OXR1: variants seen among roughly 807,000 people sequenced by gnomAD.
OXR1 encodes the protein oxidation resistance protein 1.
A neutral mutation model predicts 104.6 loss-of-function variants in OXR1; 41 were observed. The ratio of observed to expected loss-of-function variants is 0.39; its 90% CI spans 0.31 to 0.51. The LOEUF (loss-of-function observed/expected upper bound fraction) is 0.51. Ranked by LOEUF, OXR1 falls within the 20% of genes least tolerant of loss-of-function variation. The probability of loss-of-function intolerance (pLI) is 0.77; values close to 1 mark genes in which losing one functional copy is unlikely to be tolerated. For missense variants in OXR1, 955 were observed against 1,031.9 expected (o/e 0.93, Z 1.02); for synonymous variants, 348 against 348.4 (o/e 1.00, Z 0.01).
At chr8:106,726,009 T>C in intron 11 of OXR1, 2 of 491,370 alleles carry the variant, frequency 4.1e-6, no homozygotes, top group South Asian at 7.7e-5. Context: ...AACTTAAGCA[T>C]GGGAAATTCT....
At chr8:106,592,284 AAATC>A (rs1327387811) in intron 3 of OXR1, among the ~76,000 whole-genome samples, 1 of 152,206 alleles carries the variant, frequency 6.6e-6, no homozygotes, top group Non-Finnish European at 1.5e-5. Flanking sequence ...AAATAAGAAA[AAATC>A]AATAAATAAT....
At chr8:106,591,040 G>A (rs1175972070) in intron 3 of OXR1, among the ~76,000 whole-genome samples, 6 of 151,758 alleles carry the variant, frequency 4.0e-5, no homozygotes, top group East Asian at 1.9e-4. Flanking sequence ...GTATCATTGC[G>A]TTTCTAAAGA....
At chr8:106,384,308 C>T (rs1817277914) in intron 2 of OXR1, among the ~76,000 whole-genome samples, 1 of 152,100 alleles carries the variant, frequency 6.6e-6, no homozygotes, top group Non-Finnish European at 1.5e-5. Context: ...TATGATCACC[C>T]ATTCACAGAT....
chr8:106,442,339 G>A (rs965623698), intron 2 of OXR1, among the ~76,000 whole-genome samples: 6 of 152,042 alleles, frequency 3.9e-5, no homozygotes, highest in African/African-American at 1.2e-4. Flanking sequence ...GATAATTTTC[G>A]CATCGATATT....
chr8:106,578,422 A>C (rs1818004840), intron 3 of OXR1, among the ~76,000 whole-genome samples: 1 of 152,328 alleles, frequency 6.6e-6, no homozygotes, highest in African/African-American at 2.4e-5. Context: ...TTTTCCTACC[A>C]GTTAATATTC....
At chr8:106,290,900 C>A (rs1260773532) in intron 1 of OXR1, among the ~76,000 whole-genome samples, 1 of 152,078 alleles carries the variant, frequency 6.6e-6, no homozygotes, top group Non-Finnish European at 1.5e-5. Flanking sequence ...TCTCAAATAA[C>A]CTAAAACAGA....
intron 3 of OXR1, among the ~76,000 whole-genome samples, chr8:106,585,266 T>A (rs1379185082): frequency 2.6e-5 from 4 of 152,056 alleles, no homozygotes; most frequent in Non-Finnish European, 5.9e-5. Context: ...TCTAGGAAAA[T>A]TCTATCTAAA....
intron 2 of OXR1, among the ~76,000 whole-genome samples, chr8:106,457,255 A>G (rs1356229690): frequency 6.6e-6 from 1 of 152,142 alleles, no homozygotes; most frequent in Non-Finnish European, 1.5e-5. Context: ...TTCTGATAAA[A>G]AGATGATTTT....
At chr8:106,423,272 A>G (rs1199044217) in intron 2 of OXR1, among the ~76,000 whole-genome samples, 1 of 152,220 alleles carries the variant, frequency 6.6e-6, no homozygotes, top group Non-Finnish European at 1.5e-5. Context: ...TATATAGATT[A>G]TCTCCAAAGT....
At chr8:106,674,073 G>C (rs890060387) in intron 3 of OXR1, among the ~76,000 whole-genome samples, 1 of 152,200 alleles carries the variant, frequency 6.6e-6, no homozygotes, top group Non-Finnish European at 1.5e-5. Context: ...TGTGAGAAGA[G>C]GCCTACCTTC....
chr8:106,497,299 G>A (rs550631202), intron 2 of OXR1, among the ~76,000 whole-genome samples: 1 of 152,262 alleles, frequency 6.6e-6, no homozygotes, highest in South Asian at 2.1e-4. Context: ...TATAATTTTT[G>A]TAAATTCATA....
At chr8:106,341,136 C>T (rs1171891592) in intron 1 of OXR1, among the ~76,000 whole-genome samples, 1 of 152,006 alleles carries the variant, frequency 6.6e-6, no homozygotes, top group Non-Finnish European at 1.5e-5. Flanking sequence ...TTTTCTCTGT[C>T]ACCTCTGTAT....
chr8:106,688,341 TA>T (rs1828946434), intron 6 of OXR1, among the ~76,000 whole-genome samples: 1 of 152,002 alleles, frequency 6.6e-6, no homozygotes, highest in African/African-American at 2.4e-5. Flanking sequence ...TATAATACTC[TA>T]ATCAATCTAA....
chr8:106,385,929 G>C (rs558350818), intron 2 of OXR1, among the ~76,000 whole-genome samples: 1 of 152,236 alleles, frequency 6.6e-6, no homozygotes, highest in East Asian at 1.9e-4. Context: ...ACTTCTACCT[G>C]TGCTCTAGGT....
intron 2 of OXR1, among the ~76,000 whole-genome samples, chr8:106,372,059 C>T (rs909377799): frequency 2.0e-5 from 3 of 152,234 alleles, no homozygotes; most frequent in Non-Finnish European, 4.4e-5. Context: ...TGCCCCTCCC[C>T]CCAGGAGTTC....
chr8:106,496,575 G>A (rs1343739702), intron 2 of OXR1, among the ~76,000 whole-genome samples: 2 of 152,178 alleles, frequency 1.3e-5, no homozygotes, highest in South Asian at 2.1e-4. Flanking sequence ...GAGCTGGAGA[G>A]TCTCACATTG....
At chr8:106,404,274 C>T (rs4734914) in intron 2 of OXR1, among the ~76,000 whole-genome samples, 43,132 of 151,914 alleles carry the variant, frequency 0.28, 6,246 homozygotes, top group South Asian at 0.39. Context: ...ACTTCTTCTA[C>T]GGGTAAAGAA....
chr8:106,403,029 C>A (rs1818066212), intron 2 of OXR1, among the ~76,000 whole-genome samples: 1 of 152,078 alleles, frequency 6.6e-6, no homozygotes, highest in Admixed American at 6.6e-5. Context: ...ACCGTGTTAG[C>A]CAGGATGGTC....
intron 2 of OXR1, among the ~76,000 whole-genome samples, chr8:106,482,325 A>G (rs1422689745): frequency 1.3e-5 from 2 of 151,706 alleles, no homozygotes; most frequent in African/African-American, 4.8e-5. Flanking sequence ...GCCCTCCCCA[A>G]GGGATCCATT....
Sources: gnomAD v4.1 joint callset for allele counts (sites outside exome capture counted in the v4.1 genomes callset) on GRCh38, gnomAD v4.1.1 for gene constraint, MANE v1.5 for transcripts, NCBI Gene and HGNC (gene_info 2026-07-23, HGNC 2026-07-21) for gene names.